Variants in ESR1 observed in about 807,000 individuals in gnomAD.
ESR1 encodes the protein estrogen receptor 1, also known as estrogen receptor.
Under a neutral mutation model 52.7 loss-of-function variants are expected in ESR1, and 12 were observed. The observed-to-expected ratio is 0.23, with a 90% CI of 0.15 to 0.37. The LOEUF is 0.37. Among genes scored for constraint, ESR1 ranks in the 10% least tolerant of loss-of-function variants. The pLI, the probability that ESR1 is intolerant of heterozygous loss-of-function variation, is 1.00. For missense variants in ESR1, 584 were observed against 779.7 expected, an observed-to-expected ratio of 0.75 and a Z score of 2.99; for synonymous variants, 305 against 316.8, an observed-to-expected ratio of 0.96 and a Z score of 0.39.
intron 2 of ESR1, among the ~76,000 whole-genome samples, chr6:151,776,752 C>T (rs1357564542): frequency 1.3e-5 from 2 of 151,474 alleles, no homozygotes; most frequent in Admixed American, 6.6e-5. Flanking sequence ...AGAGGAGAAT[C>T]GCTTGAACCC....
chr6:151,677,167 T>C (rs77319504), intron 1 of ESR1, among the ~76,000 whole-genome samples: 7,927 of 152,182 alleles, frequency 0.052, 215 homozygotes, highest in African/African-American at 0.07. Context: ...GAGTTAGGCT[T>C]TAGAACATCA....
intron 6 of ESR1, among the ~76,000 whole-genome samples, chr6:152,113,511 T>G (rs1476663171): frequency 1.3e-5 from 2 of 152,020 alleles, no homozygotes; most frequent in Non-Finnish European, 2.9e-5. Context: ...CCTACAACAT[T>G]GTGCTGAGAA....
chr6:151,816,978 C>T (rs2128180402), intron 1 of ESR1, among the ~76,000 whole-genome samples: 1 of 151,942 alleles, frequency 6.6e-6, no homozygotes, highest in East Asian at 1.9e-4. Context: ...TGAAGCAATC[C>T]CAGAGAGGGA....
chr6:152,112,020 G>A (rs776676264), intron 6 of ESR1, among the ~76,000 whole-genome samples: 4 of 152,164 alleles, frequency 2.6e-5, no homozygotes, highest in East Asian at 1.9e-4. Flanking sequence ...CTAAAGAAAC[G>A]TGTATAAAGA....
At chr6:151,917,042 G>A (rs1218352523) in intron 3 of ESR1, among the ~76,000 whole-genome samples, 1 of 152,184 alleles carries the variant, frequency 6.6e-6, no homozygotes, top group Non-Finnish European at 1.5e-5. Context: ...TCTTGTCCAA[G>A]AGAATGTAAT....
chr6:152,097,389 A>G (rs1945694601), intron 7 of ESR1, among the ~76,000 whole-genome samples: 2 of 151,548 alleles, frequency 1.3e-5, no homozygotes, highest in Admixed American at 1.3e-4. Context: ...TAACTTTTAT[A>G]GCATTTTAAA....
upstream of ESR1, among the ~76,000 whole-genome samples, chr6:151,803,260 C>T (rs1001495447): frequency 1.9e-4 from 29 of 152,036 alleles, no homozygotes; most frequent in Non-Finnish European, 1.2e-4. Context: ...TTGATAAATG[C>T]ATGATAACTA....
intron 4 of ESR1, among the ~76,000 whole-genome samples, chr6:151,948,055 G>A (rs919942541): frequency 6.6e-6 from 1 of 152,010 alleles, no homozygotes; most frequent in Non-Finnish European, 1.5e-5. Context: ...TTTTACACAT[G>A]GTGAAACTAG....
chr6:151,997,999 A>G (rs1213579587), intron 4 of ESR1, among the ~76,000 whole-genome samples: 1 of 152,112 alleles, frequency 6.6e-6, no homozygotes, highest in Non-Finnish European at 1.5e-5. Context: ...TTGTTCCTCT[A>G]TACGTTAGCT....
chr6:151,697,970 C>T (rs890110906), intron 1 of ESR1, among the ~76,000 whole-genome samples: 3 of 151,976 alleles, frequency 2.0e-5, no homozygotes, highest in Non-Finnish European at 4.4e-5. Flanking sequence ...TGGCAGCATG[C>T]GCCTGTAGTC....
chr6:151,946,475 G>A (rs1200119996), intron 4 of ESR1, among the ~76,000 whole-genome samples: 1 of 152,042 alleles, frequency 6.6e-6, no homozygotes, highest in Non-Finnish European at 1.5e-5. Flanking sequence ...AGAAGTCAAG[G>A]AAAGGAAAAT....
At chr6:151,759,629 G>T (rs1164529614) in intron 2 of ESR1, among the ~76,000 whole-genome samples, 1 of 152,202 alleles carries the variant, frequency 6.6e-6, no homozygotes, top group African/African-American at 2.4e-5. Context: ...TCCCCAGCAT[G>T]CCCTGCAGCT....
intron 3 of ESR1, among the ~76,000 whole-genome samples, chr6:151,919,277 A>C (rs944730209): frequency 6.6e-6 from 1 of 152,156 alleles, no homozygotes; most frequent in Non-Finnish European, 1.5e-5. Context: ...TTTAATTTAA[A>C]TTTGTGTTAT....
intron 2 of ESR1, among the ~76,000 whole-genome samples, chr6:151,869,007 A>G (rs183932009): frequency 1.3e-5 from 2 of 152,240 alleles, no homozygotes. Context: ...ATTTTCTCCC[A>G]AAGCACCAAA....
At chr6:151,885,191 T>G (rs899906190) in intron 3 of ESR1, among the ~76,000 whole-genome samples, 2 of 152,140 alleles carry the variant, frequency 1.3e-5, no homozygotes, top group African/African-American at 4.8e-5. Flanking sequence ...AAAGCAAATA[T>G]GAATAAGATT....
intron 6 of ESR1, among the ~76,000 whole-genome samples, chr6:152,079,130 G>C (rs1232452138): frequency 6.6e-6 from 1 of 152,208 alleles, no homozygotes. Context: ...AGAGGGCAGT[G>C]GTTCTCTCAG....
chr6:151,978,113 A>G (rs2128662544), intron 4 of ESR1, among the ~76,000 whole-genome samples: 1 of 152,294 alleles, frequency 6.6e-6, no homozygotes, highest in Admixed American at 6.5e-5. Context: ...AATATGTTTA[A>G]GATGTAGAAG....
intron 1 of ESR1, among the ~76,000 whole-genome samples, chr6:151,840,640 G>C (rs572560344): frequency 2.8e-4 from 43 of 152,304 alleles, no homozygotes; most frequent in African/African-American, 9.4e-4. Flanking sequence ...CTTGTGAAGG[G>C]GAGCGCCAGT....
intron 5 of ESR1, among the ~76,000 whole-genome samples, chr6:152,017,492 A>G (rs1246558650): frequency 6.6e-6 from 1 of 152,138 alleles, no homozygotes; most frequent in East Asian, 1.9e-4. Context: ...GTGTGTGTAT[A>G]TTTTACAAGA....
Sources: allele counts gnomAD v4.1 joint callset (sites outside exome capture counted in the v4.1 genomes callset), GRCh38; gene constraint gnomAD v4.1.1; transcripts MANE v1.5; gene names NCBI Gene and HGNC (gene_info 2026-07-23, HGNC 2026-07-21).